RGS17: variants seen among roughly 807,000 people sequenced by gnomAD.
RGS17 encodes regulator of G protein signaling 17, also known as regulator of G-protein signaling 17.
RGS17 carries 12 observed loss-of-function variants against 25.5 expected under a neutral mutation model. That is an observed-to-expected ratio of 0.47 (90% CI 0.30 to 0.76). The LOEUF (loss-of-function observed/expected upper bound fraction) is 0.76, where lower values mean the gene tolerates loss of function less well. RGS17 is among the 30% of genes least tolerant of loss of function. The pLI is 0.07. For missense variants in RGS17, 196 were observed against 242.2 expected (o/e 0.81, Z 1.27); for synonymous variants, 71 against 76.9 (o/e 0.92, Z 0.40).
intron 1 of RGS17, among the ~76,000 whole-genome samples, chr6:153,064,817 C>G (rs946240315): frequency 6.6e-6 from 1 of 151,628 alleles, no homozygotes; most frequent in South Asian, 2.1e-4. Context: ...ACAAAAAATA[C>G]AAAAAACAAG....
At chr6:153,029,095 T>C (rs562716072) in intron 2 of RGS17, among the ~76,000 whole-genome samples, 11 of 152,326 alleles carry the variant, frequency 7.2e-5, no homozygotes, top group Admixed American at 7.2e-4. Flanking sequence ...TACATCTTTC[T>C]TTTCTACAGG....
intron 4 of RGS17, among the ~76,000 whole-genome samples, chr6:153,019,876 T>C (rs909877782): frequency 2.4e-4 from 36 of 151,924 alleles, no homozygotes; most frequent in African/African-American, 8.5e-4. Context: ...ATAATAAATA[T>C]AAGCTGCCAC....
intron 1 of RGS17, among the ~76,000 whole-genome samples, chr6:153,100,377 G>A (rs964338641): frequency 3.9e-5 from 6 of 151,910 alleles, no homozygotes; most frequent in Admixed American, 6.6e-5. Context: ...ATAATTCTCC[G>A]TATCAACCTT....
chr6:153,042,065 C>T (rs534008958), intron 2 of RGS17, among the ~76,000 whole-genome samples: 7 of 152,210 alleles, frequency 4.6e-5, no homozygotes, highest in Admixed American at 2.6e-4. Context: ...ATTTGAACCC[C>T]GGCAGTCTGA....
At chr6:153,039,151 G>C (rs555992445) in intron 2 of RGS17, among the ~76,000 whole-genome samples, 2 of 152,256 alleles carry the variant, frequency 1.3e-5, no homozygotes, top group African/African-American at 4.8e-5. Flanking sequence ...GAAATGAAAA[G>C]CTTGGAAGTG....
chr6:153,089,687 T>A, intron 1 of RGS17, among the ~76,000 whole-genome samples: 1 of 152,190 alleles, frequency 6.6e-6, no homozygotes, highest in East Asian at 1.9e-4. Flanking sequence ...CTGCTATCAC[T>A]GCATATTTTA....
At chr6:153,033,734 TAAATAAAAATA>T (rs1408326846) in intron 2 of RGS17, among the ~76,000 whole-genome samples, 10 of 151,678 alleles carry the variant, frequency 6.6e-5, no homozygotes, top group Non-Finnish European at 1.3e-4. Flanking sequence ...AATAAATAAA[TAAATAAAAATA>T]AAATAAAAAT....
intron 1 of RGS17, among the ~76,000 whole-genome samples, chr6:153,063,914 A>C (rs964924696): frequency 6.6e-6 from 1 of 152,158 alleles, no homozygotes; most frequent in Non-Finnish European, 1.5e-5. Flanking sequence ...TGGAAATGTT[A>C]CAGGCCAGGA....
At chr6:153,096,284 A>G (rs1275488508) in intron 1 of RGS17, among the ~76,000 whole-genome samples, 1 of 152,218 alleles carries the variant, frequency 6.6e-6, no homozygotes. Context: ...AATGTGGCTG[A>G]GGTCTAGCTC....
chr6:153,084,483 G>A (rs578041112), intron 1 of RGS17, among the ~76,000 whole-genome samples: 1 of 152,296 alleles, frequency 6.6e-6, no homozygotes, highest in Non-Finnish European at 1.5e-5. Flanking sequence ...TTGAAGGCGG[G>A]TGAGGGACAG....
rs1562321427 is a variant in RGS17 at position 153,054,007 on chromosome 6, TACGTATATATGTATATA to T, written c.-25-9981_-25-9965del. 1.5e-3 allele frequency among the ~76,000 whole-genome samples: 53 copies of T among 34,478 alleles called. 6 individuals are homozygous for T. The highest frequency in any genetic ancestry group is 2.7e-3 in the South Asian group (3 of 1,102). The allele number at this position is 34,478 out of a possible 152,430, so 22.6% of individuals were successfully genotyped here. A position where few individuals can be genotyped will look rare whatever the true frequency, so the allele number is the denominator to read the frequency against. ...TATGTATATAATATATATACATATA[TACGTATATATGTATATA>T]ATATATATACATATATATGTATATA... is the stretch of plus-strand genomic sequence containing the variant. On this transcript the variant is annotated intron_variant, in intron 1 of 4. Transcript: ENST00000206262.
chr6:153,058,947 A>G (rs1776600189), intron 1 of RGS17, among the ~76,000 whole-genome samples: 2 of 151,876 alleles, frequency 1.3e-5, no homozygotes, highest in East Asian at 1.9e-4. Context: ...TAAAATGATC[A>G]GAAATTCAAG....
chr6:153,073,424 G>A (rs764715713), intron 1 of RGS17, among the ~76,000 whole-genome samples: 1 of 152,136 alleles, frequency 6.6e-6, no homozygotes, highest in Non-Finnish European at 1.5e-5. Context: ...TATCAAAGAA[G>A]GTTTAGCAGT....
At chr6:153,090,461 A>G (rs973950654) in intron 1 of RGS17, among the ~76,000 whole-genome samples, 31 of 151,142 alleles carry the variant, frequency 2.1e-4, no homozygotes, top group Admixed American at 6.6e-5. Flanking sequence ...AAAAAAAAAA[A>G]AAAAAAAAGT....
chr6:153,033,523 C>G (rs1387357524), intron 2 of RGS17, among the ~76,000 whole-genome samples: 2 of 151,920 alleles, frequency 1.3e-5, no homozygotes, highest in Non-Finnish European at 2.9e-5. Context: ...TTCGAGACCA[C>G]CCTGGGTAAC....
intron 2 of RGS17, among the ~76,000 whole-genome samples, chr6:153,042,694 A>G (rs1776337694): frequency 6.6e-6 from 1 of 152,182 alleles, no homozygotes; most frequent in Admixed American, 6.5e-5. Flanking sequence ...AAAACTACTT[A>G]AGCTTTCCAG....
chr6:153,115,570 A>C (rs1294443341), intron 1 of RGS17, among the ~76,000 whole-genome samples: 2 of 152,186 alleles, frequency 1.3e-5, no homozygotes, highest in Non-Finnish European at 2.9e-5. Context: ...ATTAGGAAAA[A>C]CTACTTTAAA....
At chr6:153,090,997 A>C (rs995199711) in intron 1 of RGS17, among the ~76,000 whole-genome samples, 2 of 152,230 alleles carry the variant, frequency 1.3e-5, no homozygotes, top group African/African-American at 4.8e-5. Context: ...ACCATTTAAC[A>C]AAACAATTTA....
chr6:153,054,588 T>C (rs140959151), intron 1 of RGS17, among the ~76,000 whole-genome samples: 1 of 151,432 alleles, frequency 6.6e-6, no homozygotes, highest in Non-Finnish European at 1.5e-5. Flanking sequence ...AGGGTGGAGG[T>C]TGCAGTGAGC....
Sources: gnomAD v4.1 joint callset for allele counts (sites outside exome capture counted in the v4.1 genomes callset) on GRCh38, gnomAD v4.1.1 for gene constraint, MANE v1.5 for transcripts, NCBI Gene and HGNC (gene_info 2026-07-23, HGNC 2026-07-21) for gene names.